The following TENM3 variants were observed in gnomAD, a reference collection of about 807,000 sequenced individuals.
The protein encoded by TENM3 is teneurin transmembrane protein 3.
In TENM3, 63 loss-of-function variants were observed where a neutral mutation model predicts 255.1. The observed-to-expected ratio is 0.25, with a 90% CI of 0.20 to 0.30. TENM3 has a LOEUF of 0.30. TENM3 is among the 10% of genes least tolerant of loss of function. The probability of loss-of-function intolerance (pLI) is 1.00; values close to 1 mark genes in which losing one functional copy is unlikely to be tolerated. For synonymous variants in TENM3, 1,306 were observed against 1,322.3 expected, an observed-to-expected ratio of 0.99 and a Z score of 0.27; for missense variants, 2,929 against 3,461.1, an observed-to-expected ratio of 0.85 and a Z score of 3.86.
At chr4:182,100,506 C>T in the TENM3 span, among the ~76,000 whole-genome samples, 38 of 143,550 alleles carry the variant, frequency 2.6e-4, no homozygotes, top group African/African-American at 7.9e-4. Context: ...CACACACACA[C>T]ATATATATAC....
At chr4:181,962,492 A>G in the TENM3 span, among the ~76,000 whole-genome samples, 2 of 152,182 alleles carry the variant, frequency 1.3e-5, no homozygotes, top group Non-Finnish European at 1.5e-5. Flanking sequence ...CCATGCCAGG[A>G]AAGTTTGTTT....
the TENM3 span, among the ~76,000 whole-genome samples, chr4:181,926,779 G>T: frequency 6.6e-6 from 1 of 151,934 alleles, no homozygotes; most frequent in Non-Finnish European, 1.5e-5. Flanking sequence ...CAATACAGAA[G>T]GCAGTGATTT....
At chr4:182,661,930 A>C (rs1581244426) in intron 6 of TENM3, among the ~76,000 whole-genome samples, 1 of 152,198 alleles carries the variant, frequency 6.6e-6, no homozygotes, top group East Asian at 1.9e-4. Context: ...AATTCATGAT[A>C]TATATGGCAG....
the TENM3 span, among the ~76,000 whole-genome samples, chr4:181,616,726 A>C: frequency 1.3e-5 from 2 of 152,060 alleles, no homozygotes; most frequent in Admixed American, 6.5e-5. Context: ...GAGGCTGGAG[A>C]ATCTAGAGTT....
chr4:182,502,865 T>A (rs1736453812), intron 3 of TENM3, among the ~76,000 whole-genome samples: 1 of 151,724 alleles, frequency 6.6e-6, no homozygotes. Context: ...GGGTTGGAGC[T>A]TTTAATTGGT....
At position 182,755,488 on chromosome 4, in the gene TENM3, G is replaced by A. The variant is rs1762664560; in HGVS notation, c.4892+229G>A. ...GCCCAGGACTTCGAGGCCACAGTGA[G>A]CTATGATTGTGCCACTGCACTCCAG... On this transcript the variant is annotated intron_variant, in intron 22 of 27. Transcript: ENST00000511685. 2.4e-5 allele frequency: 11 copies of A among 467,786 alleles called. No individual in the cohort carries two copies. The South Asian group carries it at 3.4e-4, about 14-fold the overall frequency. The allele number at this position is 467,786 out of a possible 1,614,324, so 29.0% of individuals were successfully genotyped here.
the TENM3 span, among the ~76,000 whole-genome samples, chr4:181,484,269 T>G: frequency 2.0e-5 from 3 of 152,032 alleles, no homozygotes; most frequent in Non-Finnish European, 4.4e-5. Context: ...GAGATTAAAT[T>G]TATTCATTTT....
the TENM3 span, among the ~76,000 whole-genome samples, chr4:181,497,172 A>G: frequency 6.6e-6 from 1 of 152,160 alleles, no homozygotes; most frequent in African/African-American, 2.4e-5. Flanking sequence ...ATACATATTT[A>G]ATCTTCATTC....
At chr4:181,575,838 T>C in the TENM3 span, among the ~76,000 whole-genome samples, 1 of 152,216 alleles carries the variant, frequency 6.6e-6, no homozygotes, top group East Asian at 1.9e-4. Flanking sequence ...GATCTGCTTA[T>C]CTTCTCCATG....
At chr4:181,466,624 A>C in the TENM3 span, among the ~76,000 whole-genome samples, 1 of 152,296 alleles carries the variant, frequency 6.6e-6, no homozygotes, top group South Asian at 2.1e-4. Context: ...GGACTATTTA[A>C]AATCACTCAT....
chr4:181,921,207 G>A, the TENM3 span, among the ~76,000 whole-genome samples: 1 of 152,126 alleles, frequency 6.6e-6, no homozygotes, highest in Non-Finnish European at 1.5e-5. Context: ...GGATTGACTT[G>A]GCAGTGCGGC....
chr4:182,670,660 A>AT (rs1310111385), intron 6 of TENM3, among the ~76,000 whole-genome samples: 2 of 152,108 alleles, frequency 1.3e-5, no homozygotes, highest in Non-Finnish European at 2.9e-5. Flanking sequence ...CAATTCTAAC[A>AT]TTTGCTAGTG....
chr4:182,068,100 C>T, the TENM3 span, among the ~76,000 whole-genome samples: 3 of 152,008 alleles, frequency 2.0e-5, no homozygotes, highest in East Asian at 5.8e-4. Flanking sequence ...CAGAGAGTTC[C>T]GATAGTTCTG....
the TENM3 span, among the ~76,000 whole-genome samples, chr4:181,726,075 T>G: frequency 6.6e-6 from 1 of 152,118 alleles, no homozygotes; most frequent in Non-Finnish European, 1.5e-5. Flanking sequence ...TCAAAAGATC[T>G]ACTCATTAGA....
At chr4:181,669,644 C>G in the TENM3 span, among the ~76,000 whole-genome samples, 1 of 152,138 alleles carries the variant, frequency 6.6e-6, no homozygotes, top group African/African-American at 2.4e-5. Flanking sequence ...ATACCCCCAG[C>G]GTATCAGCAC....
chr4:182,106,718 C>A, the TENM3 span, among the ~76,000 whole-genome samples: 1 of 152,032 alleles, frequency 6.6e-6, no homozygotes, highest in Non-Finnish European at 1.5e-5. Context: ...AATATGAGCA[C>A]CTTTGAAGCT....
chr4:182,099,271 C>A, the TENM3 span, among the ~76,000 whole-genome samples: 1 of 151,908 alleles, frequency 6.6e-6, no homozygotes, highest in Non-Finnish European at 1.5e-5. Context: ...GCCATATGTG[C>A]ACAATTTTTA....
chr4:181,591,114 T>A, the TENM3 span, among the ~76,000 whole-genome samples: 3 of 152,348 alleles, frequency 2.0e-5, no homozygotes, highest in East Asian at 5.8e-4. Flanking sequence ...AGGTTCAATA[T>A]GGCCTGTTGA....
At chr4:182,646,879 TGTG>T (rs1407622247) in intron 5 of TENM3, among the ~76,000 whole-genome samples, 1 of 152,220 alleles carries the variant, frequency 6.6e-6, no homozygotes, top group African/African-American at 2.4e-5. Flanking sequence ...AAGTATGTAT[TGTG>T]GTCTCTTCTT....
Sources: allele counts gnomAD v4.1 joint callset (sites outside exome capture counted in the v4.1 genomes callset), GRCh38; gene constraint gnomAD v4.1.1; transcripts MANE v1.5; gene names NCBI Gene and HGNC (gene_info 2026-07-23, HGNC 2026-07-21).